Variants in PREX2 observed in about 807,000 individuals in gnomAD.
PREX2 encodes the protein phosphatidylinositol 3,4,5-trisphosphate-dependent Rac exchanger 2 protein.
Under a neutral mutation model 203.2 loss-of-function variants are expected in PREX2, and 107 were observed. The ratio of observed to expected loss-of-function variants is 0.53; its 90% CI spans 0.45 to 0.62. The LOEUF (loss-of-function observed/expected upper bound fraction) is 0.62, where lower values mean the gene tolerates loss of function less well. Ranked by LOEUF, PREX2 falls within the 20% of genes least tolerant of loss-of-function variation. The pLI, the probability that PREX2 is intolerant of heterozygous loss-of-function variation, is 0.00. For missense variants in PREX2, 1,777 were observed against 1,955.9 expected (o/e 0.91, Z 1.72); for synonymous variants, 672 against 663.6 (o/e 1.01, Z -0.19).
intron 15 of PREX2, 124 bp from the exon 16 acceptor site, chr8:68,080,319 C>A: frequency 4.1e-6 from 3 of 724,464 alleles, no homozygotes; most frequent in African/African-American, 1.9e-5. Context: ...GTGAATGTAA[C>A]TAGTCCTAGG....
At chr8:67,981,087 C>T (rs1585674715) in intron 1 of PREX2, among the ~76,000 whole-genome samples, 2 of 152,204 alleles carry the variant, frequency 1.3e-5, no homozygotes, top group South Asian at 4.2e-4. Context: ...AGTGTAATAG[C>T]CTGAAAATAG....
At chr8:68,004,545 A>C (rs1335483105) in intron 1 of PREX2, among the ~76,000 whole-genome samples, 2 of 152,210 alleles carry the variant, frequency 1.3e-5, no homozygotes, top group Non-Finnish European at 2.9e-5. Flanking sequence ...AACTGTTTGT[A>C]TTTCTTGCCA....
chr8:67,954,644 A>G (rs1422396941), intron 1 of PREX2, among the ~76,000 whole-genome samples: 1 of 152,236 alleles, frequency 6.6e-6, no homozygotes, highest in Non-Finnish European at 1.5e-5. Context: ...GTCGAGTGGT[A>G]AATTTGTTGC....
chr8:68,003,872 CAG>C (rs1807016921), intron 1 of PREX2, among the ~76,000 whole-genome samples: 5 of 97,776 alleles, frequency 5.1e-5, no homozygotes, highest in African/African-American at 8.0e-5. Context: ...TTTTTTGAGA[CAG>C]AGTCTCACCC....
At chr8:68,130,848 A>G (rs915821230) in intron 31 of PREX2, among the ~76,000 whole-genome samples, 6 of 152,220 alleles carry the variant, frequency 3.9e-5, no homozygotes, top group African/African-American at 1.4e-4. Context: ...TGGTGACCAG[A>G]AGAAGAGCCC....
intron 3 of PREX2, among the ~76,000 whole-genome samples, chr8:68,020,280 A>G (rs985425444): frequency 1.3e-5 from 2 of 151,990 alleles, no homozygotes; most frequent in East Asian, 3.9e-4. Flanking sequence ...TTTGCAAAAT[A>G]AAAAGACAAC....
intron 3 of PREX2, 131 bp downstream of exon 3, chr8:68,019,802 G>A (rs963873939): frequency 1.8e-5 from 15 of 817,200 alleles, no homozygotes; most frequent in African/African-American, 3.4e-5. Flanking sequence ...GGTCTTTTAA[G>A]GCCAATGAGA....
intron 35 of PREX2, among the ~76,000 whole-genome samples, chr8:68,168,053 A>G (rs1316782826): frequency 6.6e-6 from 1 of 152,198 alleles, no homozygotes; most frequent in African/African-American, 2.4e-5. Context: ...TCATTCTACT[A>G]GTCTTTAAAT....
chr8:68,196,213 T>A (rs1000985754), intron 37 of PREX2, among the ~76,000 whole-genome samples: 6 of 151,834 alleles, frequency 4.0e-5, no homozygotes, highest in Non-Finnish European at 8.8e-5. Flanking sequence ...AGGAGTAGGC[T>A]GGACTCTTTT....
intron 17 of PREX2, among the ~76,000 whole-genome samples, chr8:68,081,886 C>T (rs1809540674): frequency 6.7e-6 from 1 of 149,374 alleles, no homozygotes; most frequent in Non-Finnish European, 1.5e-5. Context: ...TTAATAGAGA[C>T]AGGTTTTACC....
chr8:68,073,367 T>G (rs1809253947), intron 14 of PREX2, among the ~76,000 whole-genome samples: 2 of 152,010 alleles, frequency 1.3e-5, no homozygotes, highest in African/African-American at 4.8e-5. Flanking sequence ...TGTGAGTCAA[T>G]TTCATACACA....
intron 30 of PREX2, among the ~76,000 whole-genome samples, chr8:68,122,043 G>A (rs1408991131): frequency 6.6e-6 from 1 of 152,040 alleles, no homozygotes; most frequent in Non-Finnish European, 1.5e-5. Context: ...CTTAAGTGGG[G>A]TAAATTAAAG....
At chr8:68,110,330 CATGGG>C (rs1810511926) in intron 25 of PREX2, among the ~76,000 whole-genome samples, 1 of 152,152 alleles carries the variant, frequency 6.6e-6, no homozygotes, top group African/African-American at 2.4e-5. Flanking sequence ...GTCAGAACAG[CATGGG>C]GTTTGAGGTA....
In PREX2 at chr8:68,017,871, G is replaced by A. The variant is rs146009571; in HGVS notation, c.167G>A (p.Cys56Tyr). ...VSAFLHRMNQ[C>Y]AASKVDKNVT... ...GCATTCTTACACAGAATGAACCAGT[G>A]TGCAGCATCAAAAGTTGACAAAAAT... Residue 56 changes from cysteine to tyrosine, a missense_variant, in exon 2 of 40, where the codon TGT becomes TAT. Cys to Tyr is a radical substitution (Grantham distance 194, BLOSUM62 -2). Transcript: ENST00000288368. 3.4e-4 allele frequency: 552 copies of A among 1,612,912 alleles called. 5 individuals carry two copies. In the African/African-American group the frequency reaches 6.5e-3, roughly 19 times the overall value.
chr8:68,103,627 G>T, intron 23 of PREX2: 1 of 519,062 alleles, frequency 1.9e-6, no homozygotes, highest in Non-Finnish European at 3.8e-6. Flanking sequence ...ACTCCAGTGG[G>T]CCTCTTCTTC....
At chr8:68,172,713 A>C (rs1811904387) in intron 35 of PREX2, among the ~76,000 whole-genome samples, 1 of 152,196 alleles carries the variant, frequency 6.6e-6, no homozygotes, top group Non-Finnish European at 1.5e-5. Flanking sequence ...CAGAGGGAAC[A>C]GCATGGAGGG....
At chr8:67,971,464 G>A (rs1052966061) in intron 1 of PREX2, among the ~76,000 whole-genome samples, 13 of 151,866 alleles carry the variant, frequency 8.6e-5, no homozygotes, top group Non-Finnish European at 1.3e-4. Flanking sequence ...GTGGGAGTAG[G>A]GTTCAGAAAT....
intron 1 of PREX2, among the ~76,000 whole-genome samples, chr8:67,961,983 G>A (rs1260161072): frequency 1.3e-5 from 2 of 152,082 alleles, no homozygotes; most frequent in African/African-American, 4.8e-5. Flanking sequence ...ATTAAATTTA[G>A]AATACTGATA....
intron 37 of PREX2, 187 bp downstream of exon 37, chr8:68,192,712 A>G (rs1336152654): frequency 3.3e-5 from 15 of 454,328 alleles, no homozygotes; most frequent in Non-Finnish European, 5.4e-5. Flanking sequence ...AGTCATACAC[A>G]TGAAGGCAAT....
Sources: allele counts gnomAD v4.1 joint callset (sites outside exome capture counted in the v4.1 genomes callset), GRCh38; gene constraint gnomAD v4.1.1; transcripts MANE v1.5; gene names NCBI Gene and HGNC (gene_info 2026-07-23, HGNC 2026-07-21).